Variants in EVC2 observed in about 807,000 individuals in gnomAD.
The protein encoded by EVC2 is EvC ciliary complex subunit 2, also known as limbin.
Under a neutral mutation model 149.3 loss-of-function variants are expected in EVC2, and 148 were observed. That is an observed-to-expected ratio of 0.99 (90% CI 0.87 to 1.14). The LOEUF (loss-of-function observed/expected upper bound fraction) is 1.14, where lower values mean the gene tolerates loss of function less well. Among genes scored for constraint, EVC2 ranks in the 50% most tolerant of loss-of-function variants. The probability of loss-of-function intolerance (pLI) is 0.00; values close to 1 mark genes in which losing one functional copy is unlikely to be tolerated. For synonymous variants in EVC2, 776 were observed against 649.9 expected (o/e 1.19, Z -2.95); for missense variants, 1,854 against 1,627.3 (o/e 1.14, Z -2.40).
intron 5 of EVC2, 136 bp downstream of exon 5, chr4:5,689,021 A>G: frequency 1.1e-6 from 1 of 940,448 alleles, no homozygotes; most frequent in Non-Finnish European, 1.7e-6. Context: ...CCCTGATAGT[A>G]AGATCCACTG....
In EVC2 at chr4:5,622,731, G is replaced by A. The variant is rs769140131; in HGVS notation, c.2307C>T (p.Pro769=). 1 of 1,614,094 alleles carries A rather than the reference G, an allele frequency of 6.2e-7. No homozygotes were observed. Among genetic ancestry groups the A allele is most frequent in the Non-Finnish European group, 8.5e-7 (1 of 1,180,036 alleles). ...CCAGGATCTGCTGCAGGAAGAGCCAGGGCACCCCACGCTTGAGCAGCTCCT... is the reference window on the plus strand; with the variant it reads ...CCAGGATCTGCTGCAGGAAGAGCCAAGGCACCCCACGCTTGAGCAGCTCCT... ...MTQELLKRGV[P]WLFLQQILEE... The change falls in exon 14 of 22, where the codon CCC becomes CCT. Residue 769 remains proline, a synonymous_variant. Coordinates refer to ENST00000344408, the MANE Select transcript of EVC2 (RefSeq NM_147127.5). This position sits in a 1 kb window ranked among gnomAD's most constrained non-coding sequence, Gnocchi z 5.8.
At chr4:5,638,019 T>G (rs1329689431) in intron 10 of EVC2, among the ~76,000 whole-genome samples, 1 of 152,128 alleles carries the variant, frequency 6.6e-6, no homozygotes, top group Non-Finnish European at 1.5e-5. Context: ...ATTGGGCTCA[T>G]GGGTCCTTGT....
chr4:5,623,199 G>C (rs530092926), intron 13 of EVC2, among the ~76,000 whole-genome samples: 2 of 150,942 alleles, frequency 1.3e-5, no homozygotes, highest in Non-Finnish European at 3.0e-5. Context: ...GCAATGGTGC[G>C]ATCTCGGCTC....
intron 5 of EVC2, among the ~76,000 whole-genome samples, chr4:5,687,138 A>G (rs1469739146): frequency 6.6e-6 from 1 of 151,914 alleles, no homozygotes; most frequent in African/African-American, 2.4e-5. Flanking sequence ...ACGCCTGTAG[A>G]CCCAGCTACT....
downstream of EVC2, among the ~76,000 whole-genome samples, chr4:5,560,408 G>C (rs1217009481): frequency 1.3e-5 from 2 of 152,198 alleles, no homozygotes; most frequent in African/African-American, 4.8e-5. The surrounding 1 kb of genome is among the most constrained non-coding windows in gnomAD (Gnocchi z 4.1). Flanking sequence ...GATCATGGCA[G>C]AAGGCGAAGC....
chr4:5,533,439 G>A, the EVC2 span, among the ~76,000 whole-genome samples: 108 of 152,296 alleles, frequency 7.1e-4, no homozygotes, highest in Middle Eastern at 3.4e-3. Flanking sequence ...GGTCGGGCAA[G>A]GAATGGGTCC....
chr4:5,630,787 G>A (rs1716474564), intron 11 of EVC2, among the ~76,000 whole-genome samples: 1 of 152,136 alleles, frequency 6.6e-6, no homozygotes. Context: ...CTCATAACCT[G>A]GATGAGGCAG....
At chr4:5,681,417 A>G in intron 6 of EVC2, 104 bp from the exon 7 acceptor site, 1 of 1,165,730 alleles carries the variant, frequency 8.6e-7, no homozygotes, top group Non-Finnish European at 1.3e-6. Flanking sequence ...AGCTACAATC[A>G]GCCCTAACTG....
intron 9 of EVC2, among the ~76,000 whole-genome samples, chr4:5,654,189 G>A (rs1718347329): frequency 1.3e-5 from 2 of 152,148 alleles, no homozygotes; most frequent in South Asian, 4.1e-4. Context: ...ACTCCAGGCT[G>A]AGTGACAGAG....
intron 5 of EVC2, 96 bp from the exon 6 acceptor site, chr4:5,685,575 A>G: frequency 1.0e-6 from 1 of 1,001,012 alleles, no homozygotes; most frequent in African/African-American, 1.6e-5. Context: ...CCCTGGCTTC[A>G]GTGGTTCCAA....
At chr4:5,695,346 T>G (rs1006000827) in intron 2 of EVC2, among the ~76,000 whole-genome samples, 1 of 139,314 alleles carries the variant, frequency 7.2e-6, no homozygotes, top group Admixed American at 7.4e-5. Context: ...AGACTCCATC[T>G]CAAAAAAAAA....
At chr4:5,691,922 G>T (rs548582621) in intron 3 of EVC2, among the ~76,000 whole-genome samples, 2 of 152,280 alleles carry the variant, frequency 1.3e-5, no homozygotes, top group African/African-American at 4.8e-5. Flanking sequence ...TTTCCTTTCC[G>T]TTTGACTAAT....
Position 5,697,575 on chromosome 4 carries a change from A to G in EVC2, c.283+18T>C. ...TCATGCTCAAAACAGGGGAACATCA[A>G]CCAGAAGAAAAACTCACCTGCAGTC... is the stretch of plus-strand genomic sequence containing the variant. On this transcript the variant is annotated intron_variant, in intron 2 of 21. Coordinates refer to ENST00000344408, the MANE Select transcript of EVC2 (RefSeq NM_147127.5). 2 of 1,613,990 alleles carry G rather than the reference A, an allele frequency of 1.2e-6. No homozygotes were observed. Among genetic ancestry groups the G allele is most frequent in the Non-Finnish European group, 1.7e-6 (2 of 1,179,866 alleles).
intron 20 of EVC2, 130 bp downstream of exon 20, chr4:5,568,314 T>C (rs1049515367): frequency 3.3e-5 from 32 of 976,488 alleles, no homozygotes; most frequent in Non-Finnish European, 4.5e-5. Flanking sequence ...AGATTCTATT[T>C]AAAAAATAAA....
At chr4:5,703,119 A>G (rs1302414129) in intron 1 of EVC2, among the ~76,000 whole-genome samples, 2 of 152,214 alleles carry the variant, frequency 1.3e-5, no homozygotes, top group East Asian at 1.9e-4. Flanking sequence ...AGCAAAACCA[A>G]TTTTACCATA....
chr4:5,650,628 TATATATATATAGAGAGAGAGAG>T (rs1418069860), intron 9 of EVC2, among the ~76,000 whole-genome samples: 1 of 77,362 alleles, frequency 1.3e-5, no homozygotes, highest in African/African-American at 4.6e-5. Flanking sequence ...TATATATATA[TATATATATATAGAGAGAGAGAG>T]AGAGAGAGAG....
intron 17 of EVC2, among the ~76,000 whole-genome samples, chr4:5,580,498 C>A (rs968907393): frequency 1.3e-5 from 2 of 152,204 alleles, no homozygotes; most frequent in African/African-American, 2.4e-5. Flanking sequence ...GTAAACAGCA[C>A]AACTATGTGT....
At chr4:5,581,498 A>T (rs1190035880) in intron 17 of EVC2, among the ~76,000 whole-genome samples, 1 of 150,950 alleles carries the variant, frequency 6.6e-6, no homozygotes, top group Non-Finnish European at 1.5e-5. Context: ...TTGTGCCCCT[A>T]CTCTAGAGAT....
intron 7 of EVC2, among the ~76,000 whole-genome samples, chr4:5,669,771 A>G (rs932516722): frequency 2.0e-5 from 3 of 152,236 alleles, no homozygotes; most frequent in African/African-American, 7.2e-5. Context: ...CATTGCCAAG[A>G]GAAACTGAAG....
Sources: gnomAD v4.1 joint callset for allele counts (sites outside exome capture counted in the v4.1 genomes callset) on GRCh38, gnomAD v4.1.1 for gene constraint, Gnocchi (gnomAD v3.1) non-coding constraint, MANE v1.5 for transcripts, NCBI Gene and HGNC (gene_info 2026-07-23, HGNC 2026-07-21) for gene names.